MDN1: variants seen among roughly 807,000 people sequenced by gnomAD.
MDN1 encodes midasin.
Under a neutral mutation model 669.2 loss-of-function variants are expected in MDN1, and 266 were observed. That is an observed-to-expected ratio of 0.40 (90% confidence interval 0.36 to 0.44). The LOEUF is 0.44. Among genes scored for constraint, MDN1 ranks in the 20% least tolerant of loss-of-function variants. The probability of loss-of-function intolerance (pLI) is 1.00; values close to 1 mark genes in which losing one functional copy is unlikely to be tolerated. For synonymous variants in MDN1, 2,385 were observed against 2,457.1 expected (o/e 0.97, Z 0.87); for missense variants, 5,940 against 6,754.0 (o/e 0.88, Z 4.22).
chr6:89,680,802 T>G, intron 73 of MDN1, 51 bp from the exon 74 acceptor site: 1 of 1,584,426 alleles, frequency 6.3e-7, no homozygotes, highest in Non-Finnish European at 8.6e-7. Context: ...ACAGGCAGTG[T>G]CCCTGCAAGG....
intron 37 of MDN1, among the ~76,000 whole-genome samples, chr6:89,726,635 A>G (rs1383707213): frequency 6.6e-6 from 1 of 152,196 alleles, no homozygotes; most frequent in African/African-American, 2.4e-5. Flanking sequence ...GTGAGTTAAT[A>G]CAGCTGATTT....
chr6:89,725,704 G>C (rs1815172620), intron 37 of MDN1, among the ~76,000 whole-genome samples: 1 of 150,020 alleles, frequency 6.7e-6, no homozygotes, highest in Non-Finnish European at 1.5e-5. Flanking sequence ...CTGCATAGCT[G>C]TGACCACAGG....
At chr6:89,651,107 G>C (rs1052309392) in intron 95 of MDN1, among the ~76,000 whole-genome samples, 5 of 149,998 alleles carry the variant, frequency 3.3e-5, no homozygotes, top group South Asian at 2.1e-4. Flanking sequence ...CTTGAGACCA[G>C]GAGTTCGAGA....
At chr6:89,740,184 T>C (rs1266881748) in intron 32 of MDN1, 50 bp downstream of exon 32, 1 of 1,592,262 alleles carries the variant, frequency 6.3e-7, no homozygotes, top group East Asian at 2.3e-5. Context: ...CGAGTACCAG[T>C]AAGCTGAGGT....
At chr6:89,743,365 G>T in intron 30 of MDN1, 85 bp from the exon 31 acceptor site, 1 of 1,531,306 alleles carries the variant, frequency 6.5e-7, no homozygotes, top group Non-Finnish European at 9.0e-7. Flanking sequence ...TTCCAGGGGT[G>T]AAGTAGGCAT....
Position 89,754,169 on chromosome 6 carries a change from G to A in MDN1, c.2878C>T (p.Pro960Ser), listed in dbSNP as rs373290283. ...CACAGAGTCCGAAGGCTGTAGTGAG[G>A]TCTATGGCCAGTGCCATCCACCAGT... is the stretch of plus-strand genomic sequence containing the variant. The part of the protein sequence containing the change: ...TKLVDGTGHR[P>S]HYSLRTLCRA... Residue 960 changes from proline to serine, a missense_variant, in exon 21 of 102, where the codon CCT (proline) becomes TCT (serine). Physicochemically the swap from Pro to Ser is moderately conservative, Grantham distance 74. This residue lies in a region of MDN1 where 1,203 missense variants were observed against 1,268.9 expected (regional missense o/e 0.95). Transcript: ENST00000369393. 3.7e-6 allele frequency: 6 copies of A among 1,614,006 alleles called. No individual in the cohort carries two copies. In the African/African-American group the frequency reaches 8.0e-5, roughly 22 times the overall value.
At chr6:89,771,284 T>C (rs886673742) in intron 15 of MDN1, among the ~76,000 whole-genome samples, 1 of 152,202 alleles carries the variant, frequency 6.6e-6, no homozygotes, top group Admixed American at 6.5e-5. Context: ...ACTGTTCAAG[T>C]GCCAGAAGTT....
intron 76 of MDN1, among the ~76,000 whole-genome samples, chr6:89,676,917 G>C (rs1032784788): frequency 6.6e-6 from 1 of 150,452 alleles, no homozygotes; most frequent in Non-Finnish European, 1.5e-5. Context: ...AACTTATGAG[G>C]AGTGTATGTA....
chr6:89,707,225 G>A, intron 52 of MDN1, 136 bp downstream of exon 52: 1 of 642,746 alleles, frequency 1.6e-6, no homozygotes. Context: ...ATTGAGTAAG[G>A]GGACATGTTT....
intron 1 of MDN1, among the ~76,000 whole-genome samples, chr6:89,816,411 G>C (rs766324977): frequency 7.2e-5 from 9 of 124,744 alleles, no homozygotes; most frequent in Non-Finnish European, 1.3e-4. Flanking sequence ...GTCTAGGGGC[G>C]GGGGTGAGGA....
At position 89,668,044 on chromosome 6, in the gene MDN1, A is replaced by G. The variant is rs769555067; in HGVS notation, c.14064T>C (p.Asp4688=). 3.1e-6 allele frequency: 5 copies of G among 1,613,968 alleles called. No individual in the cohort carries two copies. The change falls in exon 84 of 102, where the codon GAT becomes GAC. Residue 4688 remains aspartate (D), a synonymous_variant. Transcript: ENST00000369393. Reference sequence around the variant, plus strand: ...CTTCATTTCCGATCTGGTCACTCACATCCTTCATGCCCTCGCCTTCTCCAA... The same window carrying G: ...CTTCATTTCCGATCTGGTCACTCACGTCCTTCATGCCCTCGCCTTCTCCAA... ...GGIGEGEGMK[D]VSDQIGNEEQ...
chr6:89,671,222 T>C (rs1293420332), intron 82 of MDN1, 142 bp from the exon 83 acceptor site: 1 of 850,548 alleles, frequency 1.2e-6, no homozygotes, highest in Non-Finnish European at 1.8e-6. Flanking sequence ...TGTATGTGTT[T>C]GTAACCTCCA....
At position 89,751,533 on chromosome 6, in the gene MDN1, C is replaced by A. The variant is rs142362963; in HGVS notation, c.3125G>T (p.Trp1042Leu). The A allele has an allele frequency of 1.4e-5, 23 of 1,614,036 alleles. No individual in the cohort carries two copies. In the African/African-American group the frequency reaches 2.7e-4, roughly 19 times the overall value. ...AGGCTCCTTGTCTCCCACCGCAATC[C>A]AGTAGCCTTCAACCTGGATAAGCCG... Reference protein sequence around the residue: ...GGRLIQVEGYWIAVGDKEPTI... With the variant: ...GGRLIQVEGYLIAVGDKEPTI... Residue 1042 changes from tryptophan to leucine, a missense_variant, in exon 23 of 102, where the codon TGG (tryptophan) becomes TTG (leucine). Trp to Leu is a moderately conservative substitution (Grantham distance 61, BLOSUM62 -2). Transcript: ENST00000369393.
intron 54 of MDN1, 86 bp downstream of exon 54, chr6:89,701,818 G>A: frequency 6.5e-7 from 1 of 1,527,140 alleles, no homozygotes; most frequent in East Asian, 2.3e-5. Flanking sequence ...CCAAAATAAA[G>A]CAAGAAGAAA....
At chr6:89,734,691 A>AACGAGAGAGAGAG (rs1554188774) in intron 33 of MDN1, among the ~76,000 whole-genome samples, 10 of 112,992 alleles carry the variant, frequency 8.9e-5, no homozygotes, top group African/African-American at 1.4e-4. Flanking sequence ...AAAAAAAAAC[A>AACGAGAGAGAGAG]AGAGAGAGAG....
intron 13 of MDN1, 35 bp downstream of exon 13, chr6:89,774,586 C>A (rs769021551): frequency 6.6e-7 from 1 of 1,511,534 alleles, no homozygotes; most frequent in Non-Finnish European, 9.2e-7. Context: ...TCTGGAAACC[C>A]CACAGTTGGC....
chr6:89,698,590 ACT>A (rs1812934877), intron 59 of MDN1, among the ~76,000 whole-genome samples: 1 of 152,246 alleles, frequency 6.6e-6, no homozygotes, highest in East Asian at 1.9e-4. Flanking sequence ...ATATATCTGC[ACT>A]GTTTAAATGT....
intron 83 of MDN1, 144 bp from the exon 84 acceptor site, chr6:89,668,295 A>T: frequency 9.8e-7 from 1 of 1,021,676 alleles, no homozygotes; most frequent in South Asian, 1.7e-5. Context: ...GAAGTACAGG[A>T]GACTTCTGAC....
At position 89,662,965 on chromosome 6, in the gene MDN1, C is replaced by T; in HGVS notation, c.14239G>A (p.Glu4747Lys). Reference protein sequence around the residue: ...MHDGELEEQEEDDEKSDSEGG... With the variant: ...MHDGELEEQEKDDEKSDSEGG... ...TCACTATCTGATTTCTCATCATCCT[C>T]TTCTGAAAGGGAAGGCACTGAGCTT... The change falls in exon 86 of 102, where the codon GAG becomes AAG. Residue 4747 changes from glutamate (E) to lysine (K), a missense_variant and splice_region_variant. By Grantham distance (56) the Glu-to-Lys change is moderately conservative. Around this residue, in one of 5 missense-constraint regions of MDN1, gnomAD observed 2,280 missense variants for 2,576.3 expected, o/e 0.88. Transcript: ENST00000369393. 1 of 1,614,070 alleles carries T rather than the reference C, an allele frequency of 6.2e-7. No homozygotes were observed. The highest frequency in any genetic ancestry group is 2.2e-5 in the East Asian group (1 of 44,866).
Sources: allele counts gnomAD v4.1 joint callset (sites outside exome capture counted in the v4.1 genomes callset), GRCh38; gene constraint gnomAD v4.1.1; regional missense constraint gnomAD v4.1.1; transcripts MANE v1.5; gene names NCBI Gene and HGNC (gene_info 2026-07-23, HGNC 2026-07-21).